The following ADGRL3 variants were observed in gnomAD, a reference collection of about 807,000 sequenced individuals.
The protein encoded by ADGRL3 is calcium-independent alpha-latrotoxin receptor 3.
Under a neutral mutation model 153.5 loss-of-function variants are expected in ADGRL3, and 62 were observed. The observed-to-expected ratio is 0.40, with a 90% CI of 0.33 to 0.50. The LOEUF is 0.50. ADGRL3 is among the 20% of genes least tolerant of loss of function. ADGRL3 has a pLI of 0.47. For synonymous variants in ADGRL3, 710 were observed against 672.5 expected, an observed-to-expected ratio of 1.06 and a Z score of -0.86; for missense variants, 1,641 against 1,859.4, an observed-to-expected ratio of 0.88 and a Z score of 2.16.
rs150633914 is a variant in ADGRL3 at position 61,333,341 on chromosome 4, G to A, written c.-239-49783G>A. Among the ~76,000 whole-genome samples the A allele has an allele frequency of 3.9e-5, 6 of 152,142 alleles. No individual in the cohort carries two copies. In the East Asian group the frequency reaches 1.2e-3, roughly 29 times the overall value. ...TCTGGAATCCTTATAAACTAATGGG[G>A]TTCTGTTTTACTTAGTGTTCTGTTT... On this transcript the variant is annotated intron_variant, in intron 1 of 26. Transcript: ENST00000683033.
chr4:61,672,083 G>A (rs560447895), intron 5 of ADGRL3, among the ~76,000 whole-genome samples: 5 of 152,142 alleles, frequency 3.3e-5, no homozygotes, highest in African/African-American at 9.6e-5. Context: ...GTTTATTTTT[G>A]CTTTTTGACC....
intron 8 of ADGRL3, among the ~76,000 whole-genome samples, chr4:61,784,932 C>A (rs2097260224): frequency 6.6e-6 from 1 of 152,014 alleles, no homozygotes; most frequent in Non-Finnish European, 1.5e-5. Context: ...GTACCCTTAT[C>A]AGTAAAAGAG....
At chr4:61,940,081 TC>T (rs1374314448) in intron 15 of ADGRL3, among the ~76,000 whole-genome samples, 2 of 106,364 alleles carry the variant, frequency 1.9e-5, no homozygotes, top group Admixed American at 2.0e-4. Context: ...CCCTCCCCCC[TC>T]CCCCGACCCC....
chr4:61,476,773 G>A (rs1169587355), intron 2 of ADGRL3, among the ~76,000 whole-genome samples: 1 of 137,146 alleles, frequency 7.3e-6, no homozygotes, highest in African/African-American at 2.7e-5. Flanking sequence ...ACAGGGTTTT[G>A]CCATGTTAGC....
At chr4:61,255,696 G>A (rs1362617729) in intron 1 of ADGRL3, among the ~76,000 whole-genome samples, 3 of 152,190 alleles carry the variant, frequency 2.0e-5, no homozygotes, top group Admixed American at 6.5e-5. Context: ...TGGCCACATC[G>A]CACAGGTAGG....
At chr4:61,284,959 C>CATGAA (rs201689237) in intron 1 of ADGRL3, among the ~76,000 whole-genome samples, 2,674 of 151,590 alleles carry the variant, frequency 0.018, 66 homozygotes, top group African/African-American at 0.059. Flanking sequence ...ATGTATGTTA[C>CATGAA]CAATCTTTGT....
At chr4:61,557,809 T>G (rs1000998996) in intron 4 of ADGRL3, among the ~76,000 whole-genome samples, 4 of 151,640 alleles carry the variant, frequency 2.6e-5, no homozygotes, top group Non-Finnish European at 5.9e-5. Context: ...TTCTTGGTTG[T>G]TTGATTGGTT....
chr4:62,058,150 C>T (rs1006398728), intron 25 of ADGRL3, among the ~76,000 whole-genome samples: 2 of 152,046 alleles, frequency 1.3e-5, no homozygotes, highest in African/African-American at 4.8e-5. Flanking sequence ...TTTTTAACCC[C>T]AATTTGGGCT....
At chr4:62,019,236 T>C (rs2099226826) in intron 21 of ADGRL3, among the ~76,000 whole-genome samples, 1 of 152,102 alleles carries the variant, frequency 6.6e-6, no homozygotes, top group Non-Finnish European at 1.5e-5. Flanking sequence ...AGAAGAATTA[T>C]TCGTTGAGTT....
chr4:61,299,606 A>G (rs1184195392), intron 1 of ADGRL3, among the ~76,000 whole-genome samples: 1 of 152,200 alleles, frequency 6.6e-6, no homozygotes, highest in East Asian at 1.9e-4. Context: ...AGTCAGCATC[A>G]ACTTAAGCAA....
intron 1 of ADGRL3, among the ~76,000 whole-genome samples, chr4:61,323,522 A>T (rs2095406929): frequency 6.6e-6 from 1 of 152,040 alleles, no homozygotes; most frequent in Non-Finnish European, 1.5e-5. Flanking sequence ...CTGCTTAGAA[A>T]TTTCTTCCAC....
Position 61,844,575 on chromosome 4 carries a change from A to AATATATATATATATATATATAT in ADGRL3, c.1480+30687_1480+30708dup, listed in dbSNP as rs57750929. On this transcript the variant is annotated intron_variant, in intron 9 of 26. Transcript: ENST00000683033. ...AAAAAAAAAAAAAAAAAAAAAAAAA[A>AATATATATATATATATATATAT]ATATATATATATATATATATATTTA... Among the ~76,000 whole-genome samples the AATATATATATATATATATATAT allele has an allele frequency of 3.4e-3, 61 of 18,080 alleles. 1 individual carries two copies. The highest frequency in any genetic ancestry group is 7.0e-3 in the Admixed American group (5 of 714). 11.9% of individuals were successfully genotyped at this position (18,080 alleles called of 152,430 possible). A position where few individuals can be genotyped will look rare whatever the true frequency, so the allele number is the denominator to read the frequency against.
At chr4:61,681,527 G>A (rs879807676) in intron 6 of ADGRL3, among the ~76,000 whole-genome samples, 1 of 151,936 alleles carries the variant, frequency 6.6e-6, no homozygotes, top group Non-Finnish European at 1.5e-5. Context: ...AAACAACCTT[G>A]TTATAGCACT....
intron 2 of ADGRL3, among the ~76,000 whole-genome samples, chr4:61,430,183 A>C (rs2097338335): frequency 6.6e-6 from 1 of 152,172 alleles, no homozygotes; most frequent in Non-Finnish European, 1.5e-5. Context: ...TTATAAATTA[A>C]TAGAAAAATA....
At position 62,072,830 on chromosome 4, in the gene ADGRL3, C is replaced by T. The variant is rs906573678; in HGVS notation, c.*1922C>T. 6.6e-6 allele frequency: 1 copy of T among 152,088 alleles called. No individual in the cohort carries two copies. The highest frequency in any genetic ancestry group is 2.4e-5 in the African/African-American group (1 of 41,438). The allele number at this position is 152,088 out of a possible 1,614,324, so 9.4% of individuals were successfully genotyped here. A position where few individuals can be genotyped will look rare whatever the true frequency, so the allele number is the denominator to read the frequency against. On this transcript the variant is annotated 3_prime_UTR_variant, in exon 27 of 27. Coordinates refer to ENST00000683033, the MANE Select transcript of ADGRL3 (RefSeq NM_001387552.1). ...GAGTCATATTTTTTCCTCCTTTGTA[C>T]ATTGCATTTTGATGTTAGAAATTCA...
chr4:61,718,830 AG>A (rs2096179401), intron 6 of ADGRL3, among the ~76,000 whole-genome samples: 1 of 152,194 alleles, frequency 6.6e-6, no homozygotes, highest in African/African-American at 2.4e-5. Flanking sequence ...TAGATTATAA[AG>A]TATGTTGACA....
At chr4:61,853,446 G>A (rs947484661) in intron 9 of ADGRL3, among the ~76,000 whole-genome samples, 1 of 152,134 alleles carries the variant, frequency 6.6e-6, no homozygotes, top group African/African-American at 2.4e-5. Flanking sequence ...ACAGTTGTTT[G>A]CTGTTCCATC....
intron 5 of ADGRL3, among the ~76,000 whole-genome samples, chr4:61,647,617 T>C (rs2094077231): frequency 1.3e-5 from 2 of 152,138 alleles, no homozygotes; most frequent in Non-Finnish European, 2.9e-5. Context: ...AAAAATAAAA[T>C]TCTGCATAAG....
rs115581582 is a variant in ADGRL3, at chr4:61,931,704, A to G, written c.2113-3136A>G. ...GTTAAATTGGTGTCATAACTCACCA[A>G]ATTCTAGGTTTGGGGGCCACATTTT... On this transcript the variant is annotated intron_variant, in intron 13 of 26. Coordinates refer to ENST00000683033, the MANE Select transcript of ADGRL3 (RefSeq NM_001387552.1). Among the ~76,000 whole-genome samples the G allele has an allele frequency of 5.2e-3, 786 of 152,240 alleles. 4 individuals carry two copies. The highest frequency in any genetic ancestry group is 0.018 in the African/African-American group (755 of 41,546).
Sources: gnomAD v4.1 joint callset for allele counts (sites outside exome capture counted in the v4.1 genomes callset) on GRCh38, gnomAD v4.1.1 for gene constraint, MANE v1.5 for transcripts, NCBI Gene and HGNC (gene_info 2026-07-23, HGNC 2026-07-21) for gene names.